Variants in BNC2 observed in about 807,000 individuals in gnomAD.
The protein encoded by BNC2 is zinc finger protein basonuclin-2.
A neutral mutation model predicts 76.3 loss-of-function variants in BNC2; 20 were observed. That is an observed-to-expected ratio of 0.26 (90% confidence interval 0.18 to 0.38). The LOEUF (loss-of-function observed/expected upper bound fraction) is 0.38. BNC2 is among the 10% of genes least tolerant of loss of function. The pLI, the probability that BNC2 is intolerant of heterozygous loss-of-function variation, is 1.00. For missense variants in BNC2, 1,382 were observed against 1,399.8 expected (o/e 0.99, Z 0.20); for synonymous variants, 582 against 514.8 (o/e 1.13, Z -1.77).
At chr9:16,801,576 T>C (rs768697702) in intron 1 of BNC2, among the ~76,000 whole-genome samples, 202 of 152,008 alleles carry the variant, frequency 1.3e-3, no homozygotes, top group African/African-American at 4.6e-3. Context: ...GCAAACAAGC[T>C]CATTCAACTA....
chr9:16,693,540 G>A (rs1823246651), intron 3 of BNC2, among the ~76,000 whole-genome samples: 1 of 152,178 alleles, frequency 6.6e-6, no homozygotes, highest in African/African-American at 2.4e-5. Flanking sequence ...TCCACGTGAT[G>A]CTGATGAGCA....
At chr9:16,699,382 A>G (rs1823440998) in intron 3 of BNC2, among the ~76,000 whole-genome samples, 1 of 152,248 alleles carries the variant, frequency 6.6e-6, no homozygotes, top group African/African-American at 2.4e-5. Context: ...AGTACCCAAA[A>G]GCCACATAAG....
chr9:16,736,015 C>T (rs1824656813), intron 2 of BNC2, among the ~76,000 whole-genome samples: 1 of 151,586 alleles, frequency 6.6e-6, no homozygotes, highest in Non-Finnish European at 1.5e-5. Flanking sequence ...GGGTGGATCA[C>T]TTGAGGACAG....
At chr9:16,616,781 G>GAGGAAGGAGGGAAGGAAGGA (rs1820711623) in intron 3 of BNC2, among the ~76,000 whole-genome samples, 1 of 52,774 alleles carries the variant, frequency 1.9e-5, no homozygotes, top group Non-Finnish European at 3.8e-5. Context: ...GAGGGGAGGG[G>GAGGAAGGAGGGAAGGAAGGA]AGGAAGGAGG....
chr9:16,481,031 T>C (rs1822042227), intron 5 of BNC2, among the ~76,000 whole-genome samples: 1 of 152,170 alleles, frequency 6.6e-6, no homozygotes, highest in Non-Finnish European at 1.5e-5. Flanking sequence ...AATACACCAG[T>C]TGGCACTCTG....
chr9:16,464,778 G>T (rs569434984), intron 5 of BNC2, among the ~76,000 whole-genome samples: 2 of 152,138 alleles, frequency 1.3e-5, no homozygotes, highest in South Asian at 4.2e-4. Flanking sequence ...TGATGCAATG[G>T]TTTTTTCAAA....
chr9:16,619,638 C>T (rs139015785), intron 3 of BNC2, among the ~76,000 whole-genome samples: 22 of 152,192 alleles, frequency 1.4e-4, no homozygotes, highest in African/African-American at 5.3e-4. Context: ...TTTATAGCAC[C>T]ATACCAGTTA....
rs939781429 is a variant in BNC2, at chr9:16,418,786, G to GA, written c.*202dup. ...CTTTCCCAAAACTATAAAGGGAAGT[G>GA]AAAAAAATTCAAAAGCACCTAGTGT... is the stretch of plus-strand genomic sequence containing the variant. On this transcript the variant is annotated 3_prime_UTR_variant, in exon 7 of 7. Coordinates refer to ENST00000380672, the MANE Select transcript of BNC2 (RefSeq NM_017637.6). 6.7e-5 allele frequency: 42 copies of GA among 626,932 alleles called. No homozygotes were observed. Among genetic ancestry groups the GA allele is most frequent in the Non-Finnish European group, 9.9e-5 (36 of 364,962 alleles). 38.8% of individuals were successfully genotyped at this position (626,932 alleles called of 1,614,324 possible). A position where few individuals can be genotyped will look rare whatever the true frequency, so the allele number is the denominator to read the frequency against.
At chr9:16,658,361 A>G (rs763674236) in intron 3 of BNC2, among the ~76,000 whole-genome samples, 1 of 152,212 alleles carries the variant, frequency 6.6e-6, no homozygotes, top group East Asian at 1.9e-4. Flanking sequence ...AACTTTAAAC[A>G]GCCCAGTATA....
At chr9:16,731,902 A>G (rs1824514600) in intron 2 of BNC2, among the ~76,000 whole-genome samples, 1 of 152,056 alleles carries the variant, frequency 6.6e-6, no homozygotes, top group African/African-American at 2.4e-5. Context: ...ACTTTTTAAA[A>G]CCTTTTTGCA....
chr9:16,647,772 A>T (rs999187501), intron 3 of BNC2, among the ~76,000 whole-genome samples: 2 of 152,216 alleles, frequency 1.3e-5, no homozygotes, highest in Admixed American at 1.3e-4. Context: ...TAGAAAATAA[A>T]TATTAAATAT....
intron 1 of BNC2, among the ~76,000 whole-genome samples, chr9:16,749,973 G>T (rs748667454): frequency 6.6e-6 from 1 of 152,088 alleles, no homozygotes; most frequent in Admixed American, 6.6e-5. Flanking sequence ...CTCTAAGAAC[G>T]AGGAATTTTA....
At chr9:16,477,064 G>A (rs572768014) in intron 5 of BNC2, among the ~76,000 whole-genome samples, 4 of 152,094 alleles carry the variant, frequency 2.6e-5, no homozygotes, top group Admixed American at 6.6e-5. Flanking sequence ...AAAAGGAGAG[G>A]ACAGGAAGAA....
Position 16,811,345 on chromosome 9 carries a change from G to C in BNC2, c.3+59301C>G, listed in dbSNP as rs561773755. Among the ~76,000 whole-genome samples, 74 of 151,286 alleles carry C rather than the reference G, an allele frequency of 4.9e-4. 1 individual carries two copies. The South Asian group carries it at 0.012, about 24-fold the overall frequency. ...GCGGGTGGATCATGTGAGGTCAGGA[G>C]TTCAAGACAAGCCTGGCCAACATGG... is the stretch of plus-strand genomic sequence containing the variant. On this transcript the variant is annotated intron_variant, in intron 1 of 6. Coordinates refer to ENST00000380672, the MANE Select transcript of BNC2 (RefSeq NM_017637.6).
intron 3 of BNC2, among the ~76,000 whole-genome samples, chr9:16,621,246 C>G (rs1820860948): frequency 6.6e-6 from 1 of 152,100 alleles, no homozygotes; most frequent in Admixed American, 6.6e-5. Flanking sequence ...GAATTCCTTA[C>G]ACAGATGGTG....
At chr9:16,741,254 GA>G (rs1405860987) in intron 1 of BNC2, among the ~76,000 whole-genome samples, 1 of 152,106 alleles carries the variant, frequency 6.6e-6, no homozygotes, top group African/African-American at 2.4e-5. Flanking sequence ...AGGAGTTCGA[GA>G]CCAGCCTGAC....
intron 1 of BNC2, among the ~76,000 whole-genome samples, chr9:16,825,198 G>A (rs964877467): frequency 2.6e-5 from 4 of 152,148 alleles, no homozygotes. Context: ...ACTTTTCAAA[G>A]ATGGTACCTA....
At chr9:16,798,911 G>A (rs1022413796) in intron 1 of BNC2, among the ~76,000 whole-genome samples, 32 of 151,998 alleles carry the variant, frequency 2.1e-4, no homozygotes, top group Non-Finnish European at 2.2e-4. Flanking sequence ...GCTGACTTTG[G>A]TCACCAGCAA....
In BNC2 at chr9:16,559,354, T is replaced by C. The variant is rs138233812; in HGVS notation, c.434-6589A>G. Reference sequence around the variant, plus strand: ...GTGGCCCAAGCCAATTCTTCTTCCATTGTGGCCCAGGGAAGCCAAAAGATT... The same window carrying C: ...GTGGCCCAAGCCAATTCTTCTTCCACTGTGGCCCAGGGAAGCCAAAAGATT... On this transcript the variant is annotated intron_variant, in intron 4 of 6. Coordinates refer to ENST00000380672, the MANE Select transcript of BNC2 (RefSeq NM_017637.6). Among the ~76,000 whole-genome samples the C allele has an allele frequency of 9.6e-4, 146 of 152,296 alleles. 1 individual carries two copies. Among genetic ancestry groups the C allele is most frequent in the African/African-American group, 3.1e-3 (127 of 41,556 alleles).
Sources: gnomAD v4.1 joint callset for allele counts (sites outside exome capture counted in the v4.1 genomes callset) on GRCh38, gnomAD v4.1.1 for gene constraint, MANE v1.5 for transcripts, NCBI Gene and HGNC (gene_info 2026-07-23, HGNC 2026-07-21) for gene names.